Variants in MICU1 observed in about 807,000 individuals in gnomAD.
MICU1 encodes mitochondrial calcium uptake 1, also known as calcium uptake protein 1, mitochondrial.
A neutral mutation model predicts 56.8 loss-of-function variants in MICU1; 45 were observed. The observed-to-expected ratio is 0.79, with a 90% CI of 0.62 to 1.02. The LOEUF is 1.02. MICU1 is among the 50% of genes least tolerant of loss of function. The pLI, the probability that MICU1 is intolerant of heterozygous loss-of-function variation, is 0.00. For synonymous variants in MICU1, 186 were observed against 195.1 expected (o/e 0.95, Z 0.39); for missense variants, 504 against 587.1 (o/e 0.86, Z 1.46).
chr10:72,510,290 A>G (rs748716566), intron 5 of MICU1, among the ~76,000 whole-genome samples: 10 of 152,192 alleles, frequency 6.6e-5, no homozygotes, highest in Non-Finnish European at 1.5e-4. Flanking sequence ...ACTCACAGAA[A>G]AGTTGAAAGA....
At chr10:72,457,586 G>T (rs2132229022) in intron 8 of MICU1, among the ~76,000 whole-genome samples, 1 of 152,068 alleles carries the variant, frequency 6.6e-6, no homozygotes, top group Admixed American at 6.6e-5. Context: ...ACCAAGCTGG[G>T]GTCACAGAAT....
At chr10:72,401,468 A>T (rs1379737839) in intron 10 of MICU1, among the ~76,000 whole-genome samples, 1 of 152,214 alleles carries the variant, frequency 6.6e-6, no homozygotes, top group Non-Finnish European at 1.5e-5. Context: ...TGTCTGGCCA[A>T]CATGGCAAAA....
chr10:72,588,475 C>T (rs1052431453), intron 1 of MICU1, among the ~76,000 whole-genome samples: 1 of 152,076 alleles, frequency 6.6e-6, no homozygotes, highest in African/African-American at 2.4e-5. Flanking sequence ...GAAGAAATAC[C>T]AAAGGCATTT....
intron 8 of MICU1, among the ~76,000 whole-genome samples, chr10:72,425,673 G>A (rs777745524): frequency 6.6e-6 from 1 of 152,058 alleles, no homozygotes; most frequent in South Asian, 2.1e-4. Flanking sequence ...TTGATTTTGG[G>A]CAGCACCTCT....
intron 6 of MICU1, among the ~76,000 whole-genome samples, chr10:72,506,247 G>A (rs1867247839): frequency 6.6e-6 from 1 of 152,156 alleles, no homozygotes; most frequent in South Asian, 2.1e-4. Context: ...GGTTAAGGGA[G>A]CTATGCGATG....
intron 5 of MICU1, among the ~76,000 whole-genome samples, chr10:72,512,203 C>T (rs1867490537): frequency 6.9e-6 from 1 of 145,818 alleles, no homozygotes; most frequent in Non-Finnish European, 1.5e-5. Flanking sequence ...TCTCTGCCTC[C>T]CAGGTTCAAG....
At chr10:72,477,631 G>T in intron 6 of MICU1, 3 of 1,235,556 alleles carry the variant, frequency 2.4e-6, no homozygotes, top group Non-Finnish European at 2.3e-6. Context: ...TCTAGGGTGA[G>T]ACATATTGCT....
intron 1 of MICU1, among the ~76,000 whole-genome samples, chr10:72,611,340 A>C (rs148544585): frequency 0.025 from 3,247 of 130,252 alleles, 119 homozygotes; most frequent in African/African-American, 0.088. Flanking sequence ...GGCCGGGAGC[A>C]GTTGCTCACA....
At chr10:72,543,609 C>A (rs112773431) in intron 4 of MICU1, among the ~76,000 whole-genome samples, 2,856 of 152,162 alleles carry the variant, frequency 0.019, 98 homozygotes, top group African/African-American at 0.065. Flanking sequence ...TAATCCCAGT[C>A]CTTTGGGAGG....
chr10:72,437,261 G>T (rs3998173), intron 8 of MICU1, among the ~76,000 whole-genome samples: 69,517 of 151,938 alleles, frequency 0.46, 20,045 homozygotes, highest in Non-Finnish European at 0.67. Flanking sequence ...TTAAAGAAAA[G>T]AATTTAACCC....
At chr10:72,466,262 G>A (rs1024872321) in intron 8 of MICU1, among the ~76,000 whole-genome samples, 1 of 152,188 alleles carries the variant, frequency 6.6e-6, no homozygotes, top group Non-Finnish European at 1.5e-5. Flanking sequence ...TCATGTCCCC[G>A]CGGAACAAGT....
intron 8 of MICU1, among the ~76,000 whole-genome samples, chr10:72,468,652 A>G (rs1035910555): frequency 6.6e-6 from 1 of 152,174 alleles, no homozygotes; most frequent in African/African-American, 2.4e-5. Context: ...TAAGAGCATT[A>G]AAATAGCTGT....
chr10:72,555,944 A>ATT (rs1181958103), intron 3 of MICU1, among the ~76,000 whole-genome samples: 1 of 152,234 alleles, frequency 6.6e-6, no homozygotes, highest in African/African-American at 2.4e-5. Context: ...ATGCCCAAGG[A>ATT]AAACCATGGA....
chr10:72,625,856 G>A (rs1413386457), intron 1 of MICU1, among the ~76,000 whole-genome samples, 154 bp downstream of exon 1: 1 of 152,176 alleles, frequency 6.6e-6, no homozygotes, highest in African/African-American at 2.4e-5. Flanking sequence ...GGGAGAGACA[G>A]GTATCCCGCC....
At chr10:72,494,797 C>A (rs1452017347) in intron 6 of MICU1, among the ~76,000 whole-genome samples, 1 of 150,934 alleles carries the variant, frequency 6.6e-6, no homozygotes, top group African/African-American at 2.5e-5. Flanking sequence ...AACTGTTTTT[C>A]TTTCATTTAC....
chr10:72,482,256 C>A (rs780147708), intron 6 of MICU1, among the ~76,000 whole-genome samples: 53 of 152,074 alleles, frequency 3.5e-4, no homozygotes, highest in Non-Finnish European at 6.0e-4. Flanking sequence ...TCATTTGCTG[C>A]CTTACATTAT....
At chr10:72,571,293 G>A (rs1225756559) in intron 1 of MICU1, among the ~76,000 whole-genome samples, 2 of 152,210 alleles carry the variant, frequency 1.3e-5, no homozygotes, top group African/African-American at 2.4e-5. Context: ...GAACCGAGGA[G>A]GCGGAGGTTG....
intron 1 of MICU1, among the ~76,000 whole-genome samples, chr10:72,608,678 G>A (rs1386444978): frequency 2.0e-5 from 3 of 152,148 alleles, no homozygotes; most frequent in Non-Finnish European, 2.9e-5. Flanking sequence ...ATTGTTAGTC[G>A]AATTAAGTTT....
intron 10 of MICU1, among the ~76,000 whole-genome samples, chr10:72,392,868 A>C (rs966649811): frequency 7.9e-5 from 12 of 152,272 alleles, no homozygotes; most frequent in Admixed American, 6.5e-5. Context: ...GCAGAGCCCA[A>C]GGAGTGCTTG....
Sources: allele counts gnomAD v4.1 joint callset (sites outside exome capture counted in the v4.1 genomes callset), GRCh38; gene constraint gnomAD v4.1.1; transcripts MANE v1.5; gene names NCBI Gene and HGNC (gene_info 2026-07-23, HGNC 2026-07-21).